SLC35F5: variants seen among roughly 807,000 people sequenced by gnomAD.
SLC35F5 encodes the protein solute carrier family 35 member F5.
In SLC35F5, 54 loss-of-function variants were observed where a neutral mutation model predicts 68.6. That is an observed-to-expected ratio of 0.79 (90% CI 0.63 to 0.99). SLC35F5 has a LOEUF of 0.99. Ranked by LOEUF, SLC35F5 falls within the 50% of genes least tolerant of loss-of-function variation. The pLI, the probability that SLC35F5 is intolerant of heterozygous loss-of-function variation, is 0.00. For missense variants in SLC35F5, 567 were observed against 626.9 expected, an observed-to-expected ratio of 0.90 and a Z score of 1.02; for synonymous variants, 211 against 205.2, an observed-to-expected ratio of 1.03 and a Z score of -0.24.
chr2:113,716,381 G>A lies in SLC35F5; in HGVS notation c.*23-1186C>T, dbSNP rs148018242. 3.4e-3 allele frequency among the ~76,000 whole-genome samples: 517 copies of A among 152,248 alleles called. 9 individuals carry two copies. The highest frequency in any genetic ancestry group is 0.012 in the African/African-American group (497 of 41,548). On this transcript the variant is annotated intron_variant, in intron 15 of 15. Transcript: ENST00000245680. ...AGTAACAGAGAATCTCTGGATAAGG[G>A]AAATACCAGGACGAATCCTACATAG...
In SLC35F5 at chr2:113,708,476, G is replaced by A. The variant is rs764855986; in HGVS notation, c.*6742C>T. On this transcript the variant is annotated 3_prime_UTR_variant, in exon 16 of 16. Transcript: ENST00000245680. The stretch of plus-strand genomic sequence containing the variant: ...TCCCAGCACTTTGGGAGGCCGAGGC[G>A]TGTAGATCACTTGAGGTCAAGAGTT... Among the ~76,000 whole-genome samples the A allele has an allele frequency of 2.6e-5, 4 of 152,088 alleles. No homozygotes were observed. Among genetic ancestry groups the A allele is most frequent in the Non-Finnish European group, 2.9e-5 (2 of 67,994 alleles).
intron 3 of SLC35F5, among the ~76,000 whole-genome samples, chr2:113,754,914 G>T (rs887053540): frequency 6.6e-6 from 1 of 150,864 alleles, no homozygotes; most frequent in Non-Finnish European, 1.5e-5. Flanking sequence ...ACTTTCAAAT[G>T]TAAGAAAATA....
rs200368608 is a variant in SLC35F5 at position 113,755,500 on chromosome 2, A to C, written c.85T>G (p.Phe29Val). ...AGATCCTCAAGAGCAATGCCGGAAA[A>C]CTTGGCAGATCTCAGTCTAAAAGGA... ...SPPFRLRSAK[F>V]SGIALEDLRR... Residue 29 changes from phenylalanine (F) to valine (V), a missense_variant, in exon 2 of 16, where the codon TTT (phenylalanine) becomes GTT (valine). By Grantham distance (50) the Phe-to-Val change is conservative (BLOSUM62 -1). Coordinates refer to ENST00000245680, the MANE Select transcript of SLC35F5 (RefSeq NM_025181.5). 63 of 1,614,154 alleles carry C rather than the reference A, an allele frequency of 3.9e-5. No homozygotes were observed. The East Asian group carries it at 1.4e-3, about 35-fold the overall frequency.
In SLC35F5 at chr2:113,714,618, A is replaced by G. The variant is rs955797902; in HGVS notation, c.*600T>C. Reference sequence around the variant, plus strand: ...AATGCTATAAAAGAATAATACAGTAAATGTAGTGTAAGTGAACCAGATATT... The same window carrying G: ...AATGCTATAAAAGAATAATACAGTAGATGTAGTGTAAGTGAACCAGATATT... On this transcript the variant is annotated 3_prime_UTR_variant, in exon 16 of 16. Transcript: ENST00000245680. 2.6e-5 allele frequency: 4 copies of G among 152,270 alleles called. No individual in the cohort carries two copies. Among genetic ancestry groups the G allele is most frequent in the African/African-American group, 9.6e-5 (4 of 41,578 alleles). The allele number at this position is 152,270 out of a possible 1,614,324, so 9.4% of individuals were successfully genotyped here.
In SLC35F5 at chr2:113,707,441, ATAACCCTT is replaced by A. The variant is rs1398720386; in HGVS notation, c.*7769_*7776del. 1.3e-5 allele frequency among the ~76,000 whole-genome samples: 2 copies of A among 152,374 alleles called. No homozygotes were observed. The highest frequency in any genetic ancestry group is 4.8e-5 in the African/African-American group (2 of 41,592). On this transcript the variant is annotated 3_prime_UTR_variant, in exon 16 of 16. Transcript: ENST00000245680. Reference sequence around the variant, plus strand: ...AATATACTACAAAATTGTATATAAAATAACCCTTTACAAGGATTTACTAGGATGACTGC... The same window carrying A: ...AATATACTACAAAATTGTATATAAAATACAAGGATTTACTAGGATGACTGC...
At chr2:113,751,959 C>A (rs1276273651) in intron 3 of SLC35F5, among the ~76,000 whole-genome samples, 5 of 152,046 alleles carry the variant, frequency 3.3e-5, no homozygotes, top group African/African-American at 7.2e-5. Flanking sequence ...CGCCTGTAAT[C>A]CCAACACTTT....
At chr2:113,746,851 C>G (rs144979737) in intron 4 of SLC35F5, among the ~76,000 whole-genome samples, 1 of 151,262 alleles carries the variant, frequency 6.6e-6, no homozygotes, top group East Asian at 1.9e-4. Flanking sequence ...CACTTTAACT[C>G]TGAAGGTGGA....
At chr2:113,741,786 G>A (rs1354349187) in intron 7 of SLC35F5, 2 of 151,788 alleles carry the variant, frequency 1.3e-5, no homozygotes, top group African/African-American at 2.4e-5. Flanking sequence ...GCTATTATCT[G>A]CACATATCTT....
intron 11 of SLC35F5, chr2:113,725,786 A>G (rs1687638407): frequency 2.9e-6 from 1 of 343,654 alleles, no homozygotes. Flanking sequence ...CTACTATGGA[A>G]TAAACCACTT....
chr2:113,706,510 G>T (rs1241700548), downstream of SLC35F5, among the ~76,000 whole-genome samples: 5 of 152,202 alleles, frequency 3.3e-5, no homozygotes. Context: ...CTTATCATGA[G>T]ATGGAATGTA....
chr2:113,715,456 C>T (rs757908783), intron 15 of SLC35F5, among the ~76,000 whole-genome samples: 1 of 152,110 alleles, frequency 6.6e-6, no homozygotes, highest in Non-Finnish European at 1.5e-5. Flanking sequence ...ACCATTACTC[C>T]TGCAAAGACA....
intron 13 of SLC35F5, among the ~76,000 whole-genome samples, chr2:113,722,365 T>C (rs1264068934): frequency 6.8e-6 from 1 of 147,220 alleles, no homozygotes; most frequent in Non-Finnish European, 1.5e-5. Flanking sequence ...CTTCAAATTA[T>C]ATTAGACTAA....
In SLC35F5 at chr2:113,734,624, A is replaced by G. The variant is rs1357633060; in HGVS notation, c.882T>C (p.Asp294=). Residue 294 remains aspartate (D), a synonymous_variant, in exon 9 of 16, where the codon GAT becomes GAC. Coordinates refer to ENST00000245680, the MANE Select transcript of SLC35F5 (RefSeq NM_025181.5). ...LAAVFPSNSG[D]RFTLSKLLAV... ...CTAATAGTTTAGAAAGGGTAAATCT[A>G]TCTCCACTGTTACTTGGAAATACTG... is the stretch of plus-strand genomic sequence containing the variant. The G allele has an allele frequency of 3.7e-6, 6 of 1,606,406 alleles. No individual in the cohort carries two copies. The highest frequency in any genetic ancestry group is 5.1e-6 in the Non-Finnish European group (6 of 1,174,058).
At chr2:113,746,452 T>A in intron 4 of SLC35F5, 113 bp from the exon 5 acceptor site, 1 of 727,596 alleles carries the variant, frequency 1.4e-6, no homozygotes, top group Non-Finnish European at 2.4e-6. Context: ...CCTGTAAGAC[T>A]AAAACTGTTA....
chr2:113,737,683 T>A (rs1317088333), intron 7 of SLC35F5, among the ~76,000 whole-genome samples: 9 of 152,210 alleles, frequency 5.9e-5, no homozygotes. Context: ...ATCACTTAGA[T>A]AAGAAGCATT....
chr2:113,703,354 A>C (rs1686733775), downstream of SLC35F5, among the ~76,000 whole-genome samples: 1 of 152,214 alleles, frequency 6.6e-6, no homozygotes, highest in Admixed American at 6.5e-5. Context: ...TATGGAACAA[A>C]TTAGCTTATG....
chr2:113,718,865 A>AAAAG (rs765844454), intron 14 of SLC35F5, among the ~76,000 whole-genome samples: 7,863 of 123,204 alleles, frequency 0.064, 325 homozygotes, highest in East Asian at 0.11. Flanking sequence ...GAGAGAAAGA[A>AAAAG]AAAGAAAGAA....
In SLC35F5 at chr2:113,711,526, G is replaced by A. The variant is rs999432643; in HGVS notation, c.*3692C>T. 6.6e-6 allele frequency among the ~76,000 whole-genome samples: 1 copy of A among 152,088 alleles called. No individual in the cohort carries two copies. The highest frequency in any genetic ancestry group is 1.5e-5 in the Non-Finnish European group (1 of 68,004). On this transcript the variant is annotated 3_prime_UTR_variant, in exon 16 of 16. Coordinates refer to ENST00000245680, the MANE Select transcript of SLC35F5 (RefSeq NM_025181.5). The stretch of plus-strand genomic sequence containing the variant: ...AGGCTGTTACTATAAAAAAAATGTG[G>A]TGTCTAAAAATTGCAAGTCTATGTG...
chr2:113,736,006 C>T, intron 7 of SLC35F5, 148 bp from the exon 8 acceptor site: 1 of 533,948 alleles, frequency 1.9e-6, no homozygotes, highest in Non-Finnish European at 3.4e-6. Context: ...AAATCACAGG[C>T]TCCCAAAAAA....
Sources: gnomAD v4.1 joint callset for allele counts (sites outside exome capture counted in the v4.1 genomes callset) on GRCh38, gnomAD v4.1.1 for gene constraint, MANE v1.5 for transcripts, NCBI Gene and HGNC (gene_info 2026-07-23, HGNC 2026-07-21) for gene names.